The following GPI variants were observed in gnomAD, a reference collection of about 807,000 sequenced individuals.
GPI encodes glucose-6-phosphate isomerase.
GPI carries 56 observed loss-of-function variants against 75.8 expected under a neutral mutation model. The ratio of observed to expected loss-of-function variants is 0.74; its 90% CI spans 0.60 to 0.92. The LOEUF (loss-of-function observed/expected upper bound fraction) is 0.92, where lower values mean the gene tolerates loss of function less well. Among genes scored for constraint, GPI ranks in the 40% least tolerant of loss-of-function variants. The pLI is 0.00. For missense variants in GPI, 638 were observed against 741.0 expected (o/e 0.86, Z 1.61); for synonymous variants, 288 against 285.4 (o/e 1.01, Z -0.09).
chr19:34,366,354 C>T lies in GPI; in HGVS notation c.132C>T (p.Leu44=), dbSNP rs779558324. 1 of 1,610,440 alleles carries T rather than the reference C, an allele frequency of 6.2e-7. No individual in the cohort carries two copies. The highest frequency in any genetic ancestry group is 1.7e-5 in the Admixed American group (1 of 60,022). Residue 44 remains leucine, a synonymous_variant, in exon 2 of 18, where the codon CTC becomes CTT. Transcript: ENST00000356487. ...KDRFNHFSLT[L]NTNHGHILVD... is the part of the protein sequence containing the mutation. ...CTCCATCTTTCTGCAGCTTGACCCT[C>T]AACACCAACCATGGGCATATCCTGG...
chr19:34,378,111 A>C (rs574019045), intron 6 of GPI, among the ~76,000 whole-genome samples: 4 of 152,344 alleles, frequency 2.6e-5, no homozygotes, highest in African/African-American at 9.6e-5. Flanking sequence ...TGTCCTGACC[A>C]CACCCGCTCG....
intron 4 of GPI, among the ~76,000 whole-genome samples, 167 bp from the exon 5 acceptor site, chr19:34,377,336 A>AATATATATATATATATATATATATATAT (rs1243864461): frequency 2.0e-5 from 1 of 49,338 alleles, no homozygotes; most frequent in African/African-American, 1.2e-4. Flanking sequence ...AAAAAAAAAA[A>AATATATATATATATATATATATATATAT]ATATATATAT....
chr19:34,382,341 C>T (rs2074667867), intron 9 of GPI, among the ~76,000 whole-genome samples: 1 of 152,132 alleles, frequency 6.6e-6, no homozygotes, highest in Non-Finnish European at 1.5e-5. Context: ...GTGATGGCAT[C>T]CACAGACATA....
At chr19:34,360,300 A>T (rs1323460945), upstream of GPI, among the ~76,000 whole-genome samples, 1 of 152,106 alleles carries the variant, frequency 6.6e-6, no homozygotes, top group Non-Finnish European at 1.5e-5. Flanking sequence ...CAGAATATAA[A>T]ATGACCTTAT....
chr19:34,394,647 G>GC (rs1390487769), intron 12 of GPI, among the ~76,000 whole-genome samples: 4 of 151,814 alleles, frequency 2.6e-5, no homozygotes, highest in East Asian at 1.9e-4. Context: ...GATCTCCAGA[G>GC]CCCCCCGAGA....
In GPI at chr19:34,401,396, T is replaced by TA. The variant is rs2075020720; in HGVS notation, c.*1360_*1361insA. 1 of 151,774 alleles carries TA rather than the reference T, an allele frequency of 6.6e-6. No individual in the cohort carries two copies. The highest frequency in any genetic ancestry group is 1.5e-5 in the Non-Finnish European group (1 of 68,032). 9.4% of individuals were successfully genotyped at this position (151,774 alleles called of 1,614,324 possible). A position where few individuals can be genotyped will look rare whatever the true frequency, so the allele number is the denominator to read the frequency against. ...CCATGCCCGGCTAATTTTTTATATA[T>TA]TTTTTTAGCAGAGACAGTGTCTCAC... On this transcript the variant is annotated 3_prime_UTR_variant, in exon 18 of 18. Coordinates refer to ENST00000356487, the MANE Select transcript of GPI (RefSeq NM_000175.5).
chr19:34,366,261 C>T (rs780867359), intron 1 of GPI, 84 bp from the exon 2 acceptor site: 10 of 917,160 alleles, frequency 1.1e-5, no homozygotes, highest in South Asian at 2.6e-5. Flanking sequence ...GAGGATGTTT[C>T]TTCTGGGAAC....
intron 9 of GPI, among the ~76,000 whole-genome samples, chr19:34,387,953 T>C (rs2074763072): frequency 6.6e-6 from 1 of 152,118 alleles, no homozygotes; most frequent in African/African-American, 2.4e-5. Flanking sequence ...TGGGCTCTTA[T>C]ATCAAGGGAA....
At chr19:34,387,676 T>C in intron 9 of GPI, among the ~76,000 whole-genome samples, 1 of 152,176 alleles carries the variant, frequency 6.6e-6, no homozygotes, top group Non-Finnish European at 1.5e-5. Context: ...AGTCTGTGGA[T>C]TCAGGCTCAG....
In GPI at chr19:34,393,087, C is replaced by T; in HGVS notation, c.805-161C>T. The T allele has an allele frequency of 1.4e-6, 1 of 689,836 alleles. No homozygotes were observed. The highest frequency in any genetic ancestry group is 2.7e-6 in the Non-Finnish European group (1 of 377,086). The allele number at this position is 689,836 out of a possible 1,614,324, so 42.7% of individuals were successfully genotyped here. The stretch of plus-strand genomic sequence containing the variant: ...CTGTAGTCTGCCCTGTTGGTCTTCC[C>T]ATGTGTTGCCAGCACCTGCCTGCTG... On this transcript the variant is annotated intron_variant, in intron 9 of 17. Transcript: ENST00000356487. The surrounding 1 kb of genome is among the most constrained non-coding windows in gnomAD (Gnocchi z 4.4).
intron 4 of GPI, among the ~76,000 whole-genome samples, chr19:34,373,741 G>T (rs2074490491): frequency 6.6e-6 from 1 of 152,170 alleles, no homozygotes; most frequent in Admixed American, 6.6e-5. Context: ...TAAGGTTGCA[G>T]TCAAGATGTT....
At chr19:34,371,345 T>G (rs138999048) in intron 4 of GPI, among the ~76,000 whole-genome samples, 40 of 152,350 alleles carry the variant, frequency 2.6e-4, no homozygotes, top group African/African-American at 9.6e-4. Context: ...GAAACCAAGC[T>G]GTACTCATTT....
At chr19:34,395,173 C>G (rs2145425414) in intron 12 of GPI, among the ~76,000 whole-genome samples, 1 of 152,252 alleles carries the variant, frequency 6.6e-6, no homozygotes, top group Non-Finnish European at 1.5e-5. Flanking sequence ...TGAGGGTTGC[C>G]ATGACCAGGG....
intron 4 of GPI, among the ~76,000 whole-genome samples, 182 bp from the exon 5 acceptor site, chr19:34,377,301 CAAAAAAAAAAAAAAAAAAAA>C (rs1169701523): frequency 6.5e-5 from 1 of 15,470 alleles, no homozygotes; most frequent in African/African-American, 3.4e-4. Context: ...GGCTTCATCT[CAAAAAAAAAAAAAAAAAAAA>C]AAAAAAAAAA....
At position 34,393,200 on chromosome 19, in the gene GPI, G is replaced by A; in HGVS notation, c.805-48G>A. ...ACAGGGTTTCCGGCAGGAGGTGGGGGGCGGGGTGTGCCGGCCCTCCCTCAG... is the reference window on the plus strand; with the variant it reads ...ACAGGGTTTCCGGCAGGAGGTGGGGAGCGGGGTGTGCCGGCCCTCCCTCAG... On this transcript the variant is annotated intron_variant, in intron 9 of 17. Transcript: ENST00000356487. The surrounding 1 kb of genome is among the most constrained non-coding windows in gnomAD (Gnocchi z 4.4). 1.4e-6 allele frequency: 2 copies of A among 1,411,086 alleles called. No homozygotes were observed. The highest frequency in any genetic ancestry group is 1.0e-6 in the Non-Finnish European group (1 of 995,218). 87.4% of individuals were successfully genotyped at this position (1,411,086 alleles called of 1,614,324 possible).
intron 1 of GPI, chr19:34,366,106 C>T (rs368725154): frequency 1.4e-6 from 1 of 690,420 alleles, no homozygotes; most frequent in Admixed American, 2.0e-5. Flanking sequence ...GTCCGGGCTC[C>T]TCATCCAGGG....
chr19:34,383,704 G>A (rs896668470), intron 9 of GPI, among the ~76,000 whole-genome samples: 3 of 152,200 alleles, frequency 2.0e-5, no homozygotes, highest in Admixed American at 6.5e-5. Flanking sequence ...GGACAGGGGA[G>A]CTGGGGCAGG....
In GPI at chr19:34,401,652, T is replaced by C. The variant is rs1275840069; in HGVS notation, c.*1616T>C. 6.6e-6 allele frequency: 1 copy of C among 152,072 alleles called. No individual in the cohort carries two copies. Among genetic ancestry groups the C allele is most frequent in the Non-Finnish European group, 1.5e-5 (1 of 68,074 alleles). The allele number at this position is 152,072 out of a possible 1,614,324, so 9.4% of individuals were successfully genotyped here. On this transcript the variant is annotated 3_prime_UTR_variant, in exon 18 of 18. Coordinates refer to ENST00000356487, the MANE Select transcript of GPI (RefSeq NM_000175.5). ...CCACACCCAGCCTATTCAAAATTTT[T>C]TTTTCTTAGAGACAGGGTCTTTGTT...
chr19:34,381,378 C>T (rs985502758), intron 8 of GPI, 88 bp from the exon 9 acceptor site: 5 of 901,112 alleles, frequency 5.5e-6, no homozygotes, highest in Admixed American at 5.1e-5. Context: ...GCTCACGGAG[C>T]ACAGCTCCCT....
Sources: gnomAD v4.1 joint callset for allele counts (sites outside exome capture counted in the v4.1 genomes callset) on GRCh38, gnomAD v4.1.1 for gene constraint, Gnocchi (gnomAD v3.1) non-coding constraint, MANE v1.5 for transcripts, NCBI Gene and HGNC (gene_info 2026-07-23, HGNC 2026-07-21) for gene names.